EFCC1: variants seen among roughly 807,000 people sequenced by gnomAD.
EFCC1 encodes EF-hand and coiled-coil domain-containing protein 1.
A neutral mutation model predicts 52.1 loss-of-function variants in EFCC1; 50 were observed. That is an observed-to-expected ratio of 0.96 (90% confidence interval 0.76 to 1.21). The LOEUF is 1.21. Ranked by LOEUF, EFCC1 falls within the 50% of genes most tolerant of loss-of-function variation. EFCC1 has a pLI of 0.00. For missense variants in EFCC1, 837 were observed against 867.3 expected (o/e 0.97, Z 0.44); for synonymous variants, 399 against 396.5 (o/e 1.01, Z -0.08).
intron 2 of EFCC1, among the ~76,000 whole-genome samples, chr3:129,013,180 C>T (rs755289953): frequency 1.3e-5 from 2 of 152,038 alleles, no homozygotes; most frequent in Non-Finnish European, 2.9e-5. Context: ...AGGGGGTGGG[C>T]ATCATGATCG....
intron 2 of EFCC1, among the ~76,000 whole-genome samples, chr3:129,023,933 C>G (rs1439075170): frequency 1.3e-5 from 2 of 152,218 alleles, no homozygotes; most frequent in Non-Finnish European, 2.9e-5. Context: ...TCTGTCCTTT[C>G]TGGAACAATC....
chr3:129,032,918 C>A lies in EFCC1; in HGVS notation c.1238C>A (p.Ala413Glu). The change falls in exon 4 of 8, where the codon GCA becomes GAA. Residue 413 changes from alanine (A) to glutamate (E), a missense_variant. By Grantham distance (107) the Ala-to-Glu change is moderately radical. Coordinates refer to ENST00000683648, the MANE Select transcript of EFCC1 (RefSeq NM_001377500.1). ...TGGCAGGAGGAGAAGAAGACGCCGG[C>A]AGCCGAGGCCAAGACACTGCTGGCC... ...ERWQEEKKTPAAEAKTLLARL... is the reference protein window; with the variant it reads ...ERWQEEKKTPEAEAKTLLARL... 1 of 1,550,764 alleles carries A rather than the reference C, an allele frequency of 6.4e-7. No homozygotes were observed. The highest frequency in any genetic ancestry group is 8.7e-7 in the Non-Finnish European group (1 of 1,146,756).
rs1391726185 is a variant in EFCC1 at position 129,002,017 on chromosome 3, G to C, written c.389G>C (p.Arg130Pro). 12 of 1,545,430 alleles carry C rather than the reference G, an allele frequency of 7.8e-6. No individual in the cohort carries two copies. The highest frequency in any genetic ancestry group is 1.0e-5 in the Non-Finnish European group (12 of 1,145,076). ...DGDSDTDEEA[R>P]LALRAEPPEL... Reference sequence around the variant, plus strand: ...GACTCAGATACCGATGAAGAGGCGCGCCTGGCGCTGCGCGCCGAGCCGCCG... The same window carrying C: ...GACTCAGATACCGATGAAGAGGCGCCCCTGGCGCTGCGCGCCGAGCCGCCG... The change falls in exon 1 of 8, where the codon CGC becomes CCC. Residue 130 changes from arginine to proline, a missense_variant. Coordinates refer to ENST00000683648, the MANE Select transcript of EFCC1 (RefSeq NM_001377500.1).
In EFCC1 at chr3:129,031,449, A is replaced by G. The variant is rs573367038; in HGVS notation, c.1138+589A>G. Reference sequence around the variant, plus strand: ...GAGTGGGGCCCTGCCCCCCTAAAGAAAAAAGAAAAACATGGATGCCCAGGC... The same window carrying G: ...GAGTGGGGCCCTGCCCCCCTAAAGAGAAAAGAAAAACATGGATGCCCAGGC... On this transcript the variant is annotated intron_variant, in intron 3 of 7. Coordinates refer to ENST00000683648, the MANE Select transcript of EFCC1 (RefSeq NM_001377500.1). 1.8e-4 allele frequency among the ~76,000 whole-genome samples: 28 copies of G among 152,208 alleles called. No homozygotes were observed. The East Asian group carries it at 3.3e-3, about 18-fold the overall frequency.
chr3:129,022,666 G>A (rs1294915278), intron 2 of EFCC1, among the ~76,000 whole-genome samples: 2 of 152,228 alleles, frequency 1.3e-5, no homozygotes, highest in Non-Finnish European at 2.9e-5. Context: ...GAGGGTGTGA[G>A]GGGAGGGTGG....
rs746165559 is a variant in EFCC1, at chr3:129,002,296, G to A, written c.668G>A (p.Ser223Asn). 3 of 1,526,478 alleles carry A rather than the reference G, an allele frequency of 2.0e-6. No individual in the cohort carries two copies. The highest frequency in any genetic ancestry group is 1.2e-5 in the South Asian group (1 of 83,622). The allele number at this position is 1,526,478 out of a possible 1,614,324, so 94.6% of individuals were successfully genotyped here. ...GAGGACCTGCGCGCCGCGCTGCAGA[G>A]CAGTGATGCGCGCTGCCTAGCACTG... ...LVEDLRAALQ[S>N]SDARCLALQV... is the part of the protein sequence containing the mutation. Residue 223 changes from serine (S) to asparagine (N), a missense_variant, in exon 1 of 8, where the codon AGC (serine) becomes AAC (asparagine). Coordinates refer to ENST00000683648, the MANE Select transcript of EFCC1 (RefSeq NM_001377500.1).
In EFCC1 at chr3:129,003,831, TG is replaced by T; in HGVS notation, c.738del (p.His247ThrfsTer92). On this transcript the variant is annotated frameshift_variant, in exon 2 of 8. Transcript: ENST00000683648. LOFTEE classifies it high-confidence loss of function. ...AAGAGCCAGGCGAGCACCCACGAGA[TG>T]GGGCACGGCGGGCCGGAGGCTGCGG... ...LWKSQASTHE[M>X]GHGGPEAAVR... 1.4e-6 allele frequency: 2 copies of T among 1,464,406 alleles called. No homozygotes were observed. The highest frequency in any genetic ancestry group is 1.3e-5 in the South Asian group (1 of 78,094). 90.7% of individuals were successfully genotyped at this position (1,464,406 alleles called of 1,614,324 possible).
rs759092853 is a variant in EFCC1 at position 129,003,886 on chromosome 3, C to T, written c.789C>T (p.Ala263=). 186 of 1,397,064 alleles carry T rather than the reference C, an allele frequency of 1.3e-4. No individual in the cohort carries two copies. Among genetic ancestry groups the T allele is most frequent in the Middle Eastern group, 2.5e-4 (1 of 3,998 alleles). 86.5% of individuals were successfully genotyped at this position (1,397,064 alleles called of 1,614,324 possible). A position where few individuals can be genotyped will look rare whatever the true frequency, so the allele number is the denominator to read the frequency against. Reference sequence around the variant, plus strand: ...GGGAGCTGCGTCAGGCGCAGGGCGCCCTGGCTGCGGCGGAGGCCCGCGCTG... The same window carrying T: ...GGGAGCTGCGTCAGGCGCAGGGCGCTCTGGCTGCGGCGGAGGCCCGCGCTG... ...AVRELRQAQG[A]LAAAEARAGR... is the part of the protein sequence containing the mutation. Residue 263 remains alanine (A), a synonymous_variant, in exon 2 of 8, where the codon GCC becomes GCT. Transcript: ENST00000683648.
chr3:129,005,999 G>GC (rs1255304851), intron 2 of EFCC1, among the ~76,000 whole-genome samples: 11 of 152,252 alleles, frequency 7.2e-5, no homozygotes, highest in Non-Finnish European at 1.2e-4. Flanking sequence ...CATTGGCATA[G>GC]CCCTTTACAA....
rs72979126 is a variant in EFCC1 at position 129,039,622 on chromosome 3, G to C, written c.1664-90G>C. On this transcript the variant is annotated intron_variant, in intron 7 of 7. Transcript: ENST00000683648. ...CTGGGGAGGGGCACAGCGGGTAAGA[G>C]TGGCTGGGTCTCAGGAAGGAGGGAC... The C allele has an allele frequency of 9.5e-3, 14,338 of 1,507,716 alleles. 556 individuals are homozygous for C. In the African/African-American group the frequency reaches 0.12, roughly 13 times the overall value. 93.4% of individuals were successfully genotyped at this position (1,507,716 alleles called of 1,614,324 possible).
chr3:129,002,081 C>G lies in EFCC1; in HGVS notation c.453C>G (p.Gly151=), dbSNP rs1256535934. 4 of 1,529,908 alleles carry G rather than the reference C, an allele frequency of 2.6e-6. No individual in the cohort carries two copies. 94.8% of individuals were successfully genotyped at this position (1,529,908 alleles called of 1,614,324 possible). Residue 151 remains glycine (G), a synonymous_variant, in exon 1 of 8, where the codon GGC becomes GGG. Transcript: ENST00000683648. The part of the protein sequence containing the change: ...TFRQFHARLC[G]YFGTRAGPRL... ...GCCAGTTCCACGCGCGCCTCTGTGGCTACTTCGGCACCCGTGCGGGGCCCC... is the reference window on the plus strand; with the variant it reads ...GCCAGTTCCACGCGCGCCTCTGTGGGTACTTCGGCACCCGTGCGGGGCCCC...
intron 2 of EFCC1, among the ~76,000 whole-genome samples, chr3:129,011,416 T>A (rs1327030894): frequency 6.6e-6 from 1 of 152,152 alleles, no homozygotes; most frequent in Non-Finnish European, 1.5e-5. Context: ...CCAGGTGTCC[T>A]GGCACGTGCC....
At chr3:129,037,817 T>G (rs530504130) in intron 6 of EFCC1, among the ~76,000 whole-genome samples, 71 of 151,838 alleles carry the variant, frequency 4.7e-4, no homozygotes, top group African/African-American at 1.7e-3. Context: ...TCCCAGCACT[T>G]TGGGAGGCCT....
At position 129,010,774 on chromosome 3, in the gene EFCC1, T is replaced by A. The variant is rs115805861; in HGVS notation, c.980+6697T>A. 0.019 allele frequency among the ~76,000 whole-genome samples: 2,950 copies of A among 152,136 alleles called. 98 individuals are homozygous for A. Among genetic ancestry groups the A allele is most frequent in the African/African-American group, 0.067 (2,777 of 41,500 alleles). ...TCGTCCTTGGAGGTGGGTGTGTGGG[T>A]GGCCTTGGTGAGAAAAGAGGCCTTT... On this transcript the variant is annotated intron_variant, in intron 2 of 7. Transcript: ENST00000683648. The surrounding 1 kb of genome is among the most constrained non-coding windows in gnomAD (Gnocchi z 4.3).
At position 129,030,860 on chromosome 3, in the gene EFCC1, G is replaced by T. The variant is rs1353138504; in HGVS notation, c.1138G>T (p.Ala380Ser). Residue 380 changes from alanine to serine, a missense_variant and splice_region_variant, in exon 3 of 8, where the codon GCA becomes TCA. By Grantham distance (99) the Ala-to-Ser change is moderately conservative. Transcript: ENST00000683648. ...SSSGSRALDE[A>S]VDEQLFRSVE... ...CTCTGGAAGCAGAGCCCTGGATGAAGGTTTGTCCCCTGTGCGCCCAGTCTT... is the reference window on the plus strand; with the variant it reads ...CTCTGGAAGCAGAGCCCTGGATGAATGTTTGTCCCCTGTGCGCCCAGTCTT... The T allele has an allele frequency of 6.5e-7, 1 of 1,549,970 alleles. No individual in the cohort carries two copies. Among genetic ancestry groups the T allele is most frequent in the African/African-American group, 1.4e-5 (1 of 73,100 alleles).
rs1396507184 is a variant in EFCC1, at chr3:129,039,877, G to A, written c.*29G>A. 8.9e-6 allele frequency: 14 copies of A among 1,575,122 alleles called. No individual in the cohort carries two copies. Among genetic ancestry groups the A allele is most frequent in the Non-Finnish European group, 1.2e-5 (14 of 1,155,622 alleles). On this transcript the variant is annotated 3_prime_UTR_variant, in exon 8 of 8. Transcript: ENST00000683648. ...TACTGGCCCACCCTGTGGGCACCCT[G>A]CTCAGCCTGACTGCCTTTGGACCAG...
At chr3:129,006,583 T>C (rs1246915939) in intron 2 of EFCC1, among the ~76,000 whole-genome samples, 2 of 152,238 alleles carry the variant, frequency 1.3e-5, no homozygotes, top group African/African-American at 4.8e-5. Flanking sequence ...CCCAAAGTGC[T>C]GGGATTACAG....
intron 3 of EFCC1, 150 bp from the exon 4 acceptor site, chr3:129,032,669 C>A: frequency 1.3e-6 from 1 of 772,734 alleles, no homozygotes; most frequent in Non-Finnish European, 1.6e-6. Context: ...GGCCTCACTG[C>A]ACAGGAGCCT....
At chr3:129,039,416 A>G (rs2107943876) in intron 7 of EFCC1, among the ~76,000 whole-genome samples, 1 of 152,328 alleles carries the variant, frequency 6.6e-6, no homozygotes, top group African/African-American at 2.4e-5. Flanking sequence ...ACAGGCTGAC[A>G]AGGCAACCAA....
Sources: gnomAD v4.1 joint callset for allele counts (sites outside exome capture counted in the v4.1 genomes callset) on GRCh38, gnomAD v4.1.1 for gene constraint, Gnocchi (gnomAD v3.1) non-coding constraint, MANE v1.5 for transcripts, NCBI Gene and HGNC (gene_info 2026-07-23, HGNC 2026-07-21) for gene names.